The following CHRDL2 variants were observed in gnomAD, a reference collection of about 807,000 sequenced individuals.
The protein encoded by CHRDL2 is chordin like 2, also known as chordin-like protein 2.
In CHRDL2, 41 loss-of-function variants were observed where a neutral mutation model predicts 54.3. The observed-to-expected ratio is 0.76, with a 90% confidence interval of 0.59 to 0.98. The LOEUF is 0.98. Ranked by LOEUF, CHRDL2 falls within the 50% of genes least tolerant of loss-of-function variation. The probability of loss-of-function intolerance (pLI) is 0.00; values close to 1 mark genes in which losing one functional copy is unlikely to be tolerated. For missense variants in CHRDL2, 518 were observed against 562.4 expected (o/e 0.92, Z 0.80); for synonymous variants, 220 against 224.3 (o/e 0.98, Z 0.17).
intron 2 of CHRDL2, among the ~76,000 whole-genome samples, chr11:74,714,245 G>A (rs752815417): frequency 1.2e-4 from 19 of 152,024 alleles, no homozygotes; most frequent in Admixed American, 2.0e-4. Context: ...TTACACCTGT[G>A]TCACCGATTC....
chr11:74,716,774 TGACA>T (rs2034369739), intron 2 of CHRDL2, among the ~76,000 whole-genome samples: 1 of 151,590 alleles, frequency 6.6e-6, no homozygotes, highest in Non-Finnish European at 1.5e-5. Flanking sequence ...AAGAGCAGAA[TGACA>T]TGATCAGTTT....
rs538992157 is a variant in CHRDL2 at position 74,710,228 on chromosome 11, A to C, written c.432+621T>G. Among the ~76,000 whole-genome samples the C allele has an allele frequency of 1.2e-4, 19 of 152,086 alleles. No homozygotes were observed. The South Asian group carries it at 3.9e-3, about 32-fold the overall frequency. ...AAGACTCCGTCTCAAAAAAAAAAAA[A>C]AAAAATGACACGCGGAAAGCCACCT... On this transcript the variant is annotated intron_variant, in intron 4 of 10. Transcript: ENST00000376332.
intron 8 of CHRDL2, 75 bp downstream of exon 8, chr11:74,703,230 G>A (rs2033888295): frequency 1.7e-5 from 26 of 1,486,374 alleles, no homozygotes; most frequent in Non-Finnish European, 2.4e-5. Context: ...TGCTCCAAGT[G>A]TCTGTGGCCC....
chr11:74,727,300 G>A (rs1000975247), intron 1 of CHRDL2, among the ~76,000 whole-genome samples: 2 of 152,092 alleles, frequency 1.3e-5, no homozygotes, highest in Non-Finnish European at 2.9e-5. Context: ...TCCTACCAGC[G>A]GAGCTCCCTT....
chr11:74,700,010 T>C (rs1207364002), intron 9 of CHRDL2, among the ~76,000 whole-genome samples: 1 of 152,256 alleles, frequency 6.6e-6, no homozygotes, highest in East Asian at 1.9e-4. Context: ...ATGCCCCCAC[T>C]GTGCCATCCT....
intron 9 of CHRDL2, among the ~76,000 whole-genome samples, chr11:74,702,553 CT>C (rs1341244718): frequency 1.3e-5 from 2 of 152,210 alleles, no homozygotes; most frequent in African/African-American, 4.8e-5. Context: ...GCAACAGCGC[CT>C]TCCCCCCAGG....
intron 4 of CHRDL2, among the ~76,000 whole-genome samples, chr11:74,709,010 T>C (rs549926166): frequency 1.6e-3 from 248 of 152,324 alleles, no homozygotes; most frequent in Non-Finnish European, 3.1e-3. Context: ...AGTGAGGGAA[T>C]GGCTGTGAAA....
chr11:74,717,109 C>CA (rs370739692), intron 2 of CHRDL2, among the ~76,000 whole-genome samples: 125 of 151,622 alleles, frequency 8.2e-4, no homozygotes, highest in African/African-American at 2.6e-3. Flanking sequence ...AACAAACAAA[C>CA]AAAAAAAAAA....
Position 74,711,001 on chromosome 11 carries a change from GGGA to G in CHRDL2, c.290-13_290-11del. 1 of 1,608,602 alleles carries G rather than the reference GGGA, an allele frequency of 6.2e-7. No individual in the cohort carries two copies. The highest frequency in any genetic ancestry group is 8.5e-7 in the Non-Finnish European group (1 of 1,176,876). ...GAGGGAGTGTGAGGTTCTGCAGTGG[GGGA>G]GGGGCAGGAGGAAGAAGAAAATGAG... On this transcript the variant is annotated splice_polypyrimidine_tract_variant and intron_variant, in intron 3 of 10. Coordinates refer to ENST00000376332, the MANE Select transcript of CHRDL2 (RefSeq NM_001278473.3).
chr11:74,730,671 C>G (rs2034637790), intron 1 of CHRDL2, 136 bp downstream of exon 1: 2 of 797,318 alleles, frequency 2.5e-6, no homozygotes, highest in African/African-American at 3.4e-5. Flanking sequence ...CTGGTCCTCA[C>G]GGAGTCTCCA....
chr11:74,703,029 T>C, intron 8 of CHRDL2, 62 bp from the exon 9 acceptor site: 1 of 1,463,524 alleles, frequency 6.8e-7, no homozygotes, highest in Non-Finnish European at 9.3e-7. Context: ...TTCAAAGCTC[T>C]AATATTCTAA....
intron 1 of CHRDL2, among the ~76,000 whole-genome samples, chr11:74,725,235 C>A (rs1362589198): frequency 1.3e-5 from 2 of 152,036 alleles, no homozygotes; most frequent in Non-Finnish European, 2.9e-5. Context: ...TCGTGATCCA[C>A]CCGCCAGGGC....
At chr11:74,730,632 G>A (rs2034636953) in intron 1 of CHRDL2, among the ~76,000 whole-genome samples, 175 bp downstream of exon 1, 1 of 152,190 alleles carries the variant, frequency 6.6e-6, no homozygotes, top group Admixed American at 6.5e-5. Flanking sequence ...TCTGAGTTGT[G>A]CCGAGTTCCT....
In CHRDL2 at chr11:74,703,519, A is replaced by G; in HGVS notation, c.752-20T>C. On this transcript the variant is annotated intron_variant, in intron 7 of 10. Transcript: ENST00000376332. Reference sequence around the variant, plus strand: ...CACAGGCTGAATAAGGAGGGTGAGAAGGAAGGAGGATCAGGGCCTCAGACC... The same window carrying G: ...CACAGGCTGAATAAGGAGGGTGAGAGGGAAGGAGGATCAGGGCCTCAGACC... 1 of 1,548,436 alleles carries G rather than the reference A, an allele frequency of 6.5e-7. No homozygotes were observed. Among genetic ancestry groups the G allele is most frequent in the Non-Finnish European group, 8.8e-7 (1 of 1,141,336 alleles).
chr11:74,706,451 C>A, intron 6 of CHRDL2, 36 bp downstream of exon 6: 1 of 1,600,344 alleles, frequency 6.2e-7, no homozygotes, highest in Non-Finnish European at 8.5e-7. Context: ...TCCCAGCCCC[C>A]TGTCCCGCAC....
At chr11:74,700,059 C>T (rs1327726192) in intron 9 of CHRDL2, among the ~76,000 whole-genome samples, 1 of 152,248 alleles carries the variant, frequency 6.6e-6, no homozygotes, top group Non-Finnish European at 1.5e-5. Context: ...CACGAGGTCA[C>T]CTCTGTGGAG....
At chr11:74,703,534 G>A in intron 7 of CHRDL2, 35 bp from the exon 8 acceptor site, 1 of 1,517,496 alleles carries the variant, frequency 6.6e-7, no homozygotes, top group East Asian at 2.4e-5. Context: ...GGAGGATCAG[G>A]GCCTCAGACC....
intron 8 of CHRDL2, 117 bp from the exon 9 acceptor site, chr11:74,703,084 T>C (rs2033883715): frequency 8.9e-7 from 1 of 1,124,484 alleles, no homozygotes; most frequent in African/African-American, 1.6e-5. Flanking sequence ...GATTCTATGT[T>C]AACAACCTCT....
At chr11:74,701,191 G>T (rs2033796020) in intron 9 of CHRDL2, 1 of 169,666 alleles carries the variant, frequency 5.9e-6, no homozygotes, top group Non-Finnish European at 1.3e-5. Flanking sequence ...TGTATGTCAG[G>T]GGCTGCACCG....
Sources: allele counts gnomAD v4.1 joint callset (sites outside exome capture counted in the v4.1 genomes callset), GRCh38; gene constraint gnomAD v4.1.1; transcripts MANE v1.5; gene names NCBI Gene and HGNC (gene_info 2026-07-23, HGNC 2026-07-21).